Variants in RGS7 observed in about 807,000 individuals in gnomAD.
The protein encoded by RGS7 is regulator of G protein signaling 7.
RGS7 carries 27 observed loss-of-function variants against 81.1 expected under a neutral mutation model. The ratio of observed to expected loss-of-function variants is 0.33; its 90% CI spans 0.25 to 0.46. The LOEUF (loss-of-function observed/expected upper bound fraction) is 0.46, where lower values mean the gene tolerates loss of function less well. RGS7 is among the 20% of genes least tolerant of loss of function. The pLI is 1.00. For missense variants in RGS7, 396 were observed against 607.4 expected, an observed-to-expected ratio of 0.65 and a Z score of 3.66; for synonymous variants, 208 against 207.7, an observed-to-expected ratio of 1.00 and a Z score of -0.01.
chr1:241,267,456 A>G (rs1015758890), intron 2 of RGS7, among the ~76,000 whole-genome samples: 1 of 152,168 alleles, frequency 6.6e-6, no homozygotes, highest in African/African-American at 2.4e-5. Context: ...AAAATTCACA[A>G]TAATTTGCCT....
At chr1:240,956,861 AAAC>A (rs1680517852) in intron 4 of RGS7, among the ~76,000 whole-genome samples, 1 of 152,164 alleles carries the variant, frequency 6.6e-6, no homozygotes, top group African/African-American at 2.4e-5. Flanking sequence ...AGAAAAAAAA[AAAC>A]GTTAAACAAA....
At chr1:240,915,423 A>C (rs1022279307) in intron 6 of RGS7, among the ~76,000 whole-genome samples, 3 of 152,132 alleles carry the variant, frequency 2.0e-5, no homozygotes, top group Non-Finnish European at 4.4e-5. Flanking sequence ...TTACCACAAT[A>C]CCAGTAGGGC....
chr1:241,105,614 T>C (rs1280605678), intron 2 of RGS7, among the ~76,000 whole-genome samples: 1 of 152,206 alleles, frequency 6.6e-6, no homozygotes, highest in African/African-American at 2.4e-5. Context: ...TCTCTAATGT[T>C]CTAAACAATT....
chr1:240,909,219 AGTTT>A (rs1388679075), intron 6 of RGS7, among the ~76,000 whole-genome samples: 1 of 152,204 alleles, frequency 6.6e-6, no homozygotes, highest in African/African-American at 2.4e-5. Context: ...TCATCAATTT[AGTTT>A]GTTATAAGTT....
At chr1:240,994,954 G>A (rs538940796) in intron 3 of RGS7, among the ~76,000 whole-genome samples, 1 of 152,170 alleles carries the variant, frequency 6.6e-6, no homozygotes, top group Admixed American at 6.5e-5. Flanking sequence ...GAGATTAAAG[G>A]CATGAACCAC....
At chr1:241,289,303 C>G (rs140039360) in intron 2 of RGS7, among the ~76,000 whole-genome samples, 1 of 152,342 alleles carries the variant, frequency 6.6e-6, no homozygotes, top group East Asian at 1.9e-4. Flanking sequence ...TTCTGCCCTG[C>G]AGACCTGCTT....
In RGS7 at chr1:240,786,034, A is replaced by G. The variant is rs183737541; in HGVS notation, c.*7-9821T>C. 2.3e-3 allele frequency among the ~76,000 whole-genome samples: 350 copies of G among 152,312 alleles called. 4 individuals are homozygous for G. The highest frequency in any genetic ancestry group is 0.021 in the Admixed American group (325 of 15,300). On this transcript the variant is annotated intron_variant, in intron 18 of 18. Transcript: ENST00000440928. ...TATTCTAGTACTACGTACTAAAAAG[A>G]GATAGCTTATGAACACATATACATT...
intron 3 of RGS7, among the ~76,000 whole-genome samples, chr1:241,097,440 A>G (rs574522457): frequency 4.9e-4 from 74 of 152,106 alleles, no homozygotes; most frequent in African/African-American, 1.8e-3. Flanking sequence ...CAGGTATCAA[A>G]CCCCGACACG....
chr1:240,977,342 C>T (rs193295106), intron 4 of RGS7, among the ~76,000 whole-genome samples: 10 of 152,128 alleles, frequency 6.6e-5, no homozygotes, highest in Non-Finnish European at 1.0e-4. Flanking sequence ...AAGACTAATG[C>T]AATTTATTCT....
intron 2 of RGS7, among the ~76,000 whole-genome samples, chr1:241,202,790 T>A (rs2073619003): frequency 7.2e-6 from 1 of 138,274 alleles, no homozygotes; most frequent in African/African-American, 3.3e-5. Context: ...GAGTAGTATT[T>A]TTAGGTTTTA....
At chr1:241,303,568 C>T (rs745549532) in intron 2 of RGS7, among the ~76,000 whole-genome samples, 3 of 152,222 alleles carry the variant, frequency 2.0e-5, no homozygotes, top group Non-Finnish European at 4.4e-5. Context: ...GATGTCTACT[C>T]TACACAATGG....
In RGS7 at chr1:240,983,773, A is replaced by T. The variant is rs1323998522; in HGVS notation, c.176-644T>A. ...TTTATTGTCGTGTTGATCACACACC[A>T]TTGCCCCAGCTGTTTATTTGATGAA... On this transcript the variant is annotated intron_variant, in intron 3 of 18. Transcript: ENST00000440928. Among the ~76,000 whole-genome samples the T allele has an allele frequency of 6.6e-5, 10 of 152,278 alleles. 1 individual carries two copies. Among genetic ancestry groups the T allele is most frequent in the African/African-American group, 2.4e-4 (10 of 41,558 alleles).
chr1:240,781,073 T>C (rs919089415), intron 18 of RGS7, among the ~76,000 whole-genome samples: 1 of 152,188 alleles, frequency 6.6e-6, no homozygotes, highest in African/African-American at 2.4e-5. Flanking sequence ...GGTTTTGTTT[T>C]TATTTTTTCA....
chr1:240,804,298 C>T (rs1266315152), intron 15 of RGS7, among the ~76,000 whole-genome samples: 2 of 152,062 alleles, frequency 1.3e-5, no homozygotes, highest in Non-Finnish European at 2.9e-5. Context: ...TAAGTGCTTT[C>T]CTGTATTAGT....
chr1:240,944,282 G>GTATATA (rs760788169), intron 4 of RGS7, among the ~76,000 whole-genome samples: 18 of 55,782 alleles, frequency 3.2e-4, no homozygotes, highest in African/African-American at 6.8e-4. Context: ...GTGTGTGTGT[G>GTATATA]TATATATATA....
chr1:241,028,464 G>C (rs1301088879), intron 3 of RGS7, among the ~76,000 whole-genome samples: 1 of 152,224 alleles, frequency 6.6e-6, no homozygotes, highest in Non-Finnish European at 1.5e-5. Context: ...GTAGAGACAA[G>C]ACGCACAGTA....
intron 3 of RGS7, among the ~76,000 whole-genome samples, chr1:241,045,527 C>G (rs2060878006): frequency 6.6e-6 from 1 of 152,036 alleles, no homozygotes; most frequent in African/African-American, 2.4e-5. Flanking sequence ...CCATGCCAGG[C>G]TAATTTTTGT....
chr1:240,933,190 TTTCTGAGATGC>T (rs1675996166), intron 5 of RGS7, among the ~76,000 whole-genome samples: 1 of 151,830 alleles, frequency 6.6e-6, no homozygotes, highest in African/African-American at 2.4e-5. Flanking sequence ...CCGGTGTTAC[TTTCTGAGATGC>T]TTCTTACGGA....
At chr1:241,031,359 T>C (rs2060077326) in intron 3 of RGS7, among the ~76,000 whole-genome samples, 1 of 152,240 alleles carries the variant, frequency 6.6e-6, no homozygotes, top group Non-Finnish European at 1.5e-5. Context: ...TACCATATTT[T>C]CTTTCTCCAG....
Sources: gnomAD v4.1 joint callset for allele counts (sites outside exome capture counted in the v4.1 genomes callset) on GRCh38, gnomAD v4.1.1 for gene constraint, MANE v1.5 for transcripts, NCBI Gene and HGNC (gene_info 2026-07-23, HGNC 2026-07-21) for gene names.